The following FAM13A variants were observed in gnomAD, a reference collection of about 807,000 sequenced individuals.
FAM13A encodes protein FAM13A.
Under a neutral mutation model 129.6 loss-of-function variants are expected in FAM13A, and 76 were observed. The observed-to-expected ratio is 0.59, with a 90% confidence interval of 0.49 to 0.71. The LOEUF is 0.71. FAM13A is among the 30% of genes least tolerant of loss of function. The pLI is 0.00. For synonymous variants in FAM13A, 443 were observed against 449.9 expected (o/e 0.98, Z 0.20); for missense variants, 1,108 against 1,249.3 (o/e 0.89, Z 1.70).
At chr4:88,954,610 G>T (rs1369871746) in intron 4 of FAM13A, among the ~76,000 whole-genome samples, 1 of 152,186 alleles carries the variant, frequency 6.6e-6, no homozygotes, top group South Asian at 2.1e-4. Context: ...ATGGCCAGGA[G>T]TGCTGGCTCA....
At chr4:88,868,738 T>A (rs897577715) in intron 6 of FAM13A, among the ~76,000 whole-genome samples, 4 of 152,316 alleles carry the variant, frequency 2.6e-5, no homozygotes, top group African/African-American at 7.2e-5. Context: ...CCCTTTGTAC[T>A]CTTTTACAAC....
intron 11 of FAM13A, among the ~76,000 whole-genome samples, chr4:88,768,847 A>G (rs1720032098): frequency 1.3e-5 from 2 of 152,206 alleles, no homozygotes; most frequent in Admixed American, 6.5e-5. Context: ...GATATCTTTG[A>G]CTGCCTCTGT....
At chr4:88,920,542 C>A (rs746415269) in intron 5 of FAM13A, among the ~76,000 whole-genome samples, 1 of 152,108 alleles carries the variant, frequency 6.6e-6, no homozygotes, top group African/African-American at 2.4e-5. Flanking sequence ...ACACCAAAAA[C>A]CCATCTGTAC....
rs1746040550 is a variant in FAM13A at position 88,768,036 on chromosome 4, T to A, written c.1482A>T (p.Thr494=). The change falls in exon 12 of 24, where the codon ACA becomes ACT. Residue 494 remains threonine (T), a synonymous_variant. Transcript: ENST00000264344. ...CAGGTCCAGTTCTCTCATGAGATCG[T>A]GTGGAATTGAGACTTTCCATATTCT... is the stretch of plus-strand genomic sequence containing the variant. ...GLVNMESLNS[T]RSHERTGPDD... 1 of 1,608,290 alleles carries A rather than the reference T, an allele frequency of 6.2e-7. No homozygotes were observed. The highest frequency in any genetic ancestry group is 1.3e-5 in the African/African-American group (1 of 74,912).
At chr4:88,898,715 G>GA (rs1446310287) in intron 6 of FAM13A, among the ~76,000 whole-genome samples, 6 of 151,474 alleles carry the variant, frequency 4.0e-5, no homozygotes, top group African/African-American at 1.5e-4. Context: ...CTTAGAACTG[G>GA]AAAAAAAGTA....
intron 6 of FAM13A, among the ~76,000 whole-genome samples, chr4:88,893,795 C>A (rs1745819186): frequency 6.7e-6 from 1 of 149,348 alleles, no homozygotes; most frequent in Non-Finnish European, 1.5e-5. Flanking sequence ...CCACTGCACT[C>A]CAGCCAGGCT....
intron 7 of FAM13A, among the ~76,000 whole-genome samples, chr4:88,809,441 C>T (rs974587075): frequency 6.6e-6 from 1 of 151,992 alleles, no homozygotes; most frequent in Admixed American, 6.6e-5. Context: ...CTGAAAAGTA[C>T]AGAAAAACAA....
At chr4:88,879,459 GTCTC>G (rs1055296523) in intron 6 of FAM13A, among the ~76,000 whole-genome samples, 4 of 152,162 alleles carry the variant, frequency 2.6e-5, no homozygotes, top group Admixed American at 1.3e-4. Flanking sequence ...AAGTTAACTA[GTCTC>G]TCTAAGCCTG....
intron 7 of FAM13A, among the ~76,000 whole-genome samples, chr4:88,846,608 C>T (rs1286367748): frequency 1.3e-5 from 2 of 152,228 alleles, no homozygotes; most frequent in Admixed American, 6.5e-5. Context: ...AATCAAGTGA[C>T]ATTCTTGTTA....
intron 4 of FAM13A, among the ~76,000 whole-genome samples, chr4:88,959,723 A>T (rs1379441134): frequency 1.3e-5 from 2 of 152,222 alleles, no homozygotes. Context: ...AATCCAGAGT[A>T]ATCTTCCTAT....
Position 88,810,722 on chromosome 4 carries a change from C to T in FAM13A, c.1008-5670G>A, listed in dbSNP as rs578026041. 2.6e-5 allele frequency among the ~76,000 whole-genome samples: 4 copies of T among 152,252 alleles called. No individual in the cohort carries two copies. In the East Asian group the frequency reaches 5.8e-4, roughly 22 times the overall value. On this transcript the variant is annotated intron_variant, in intron 7 of 23. Transcript: ENST00000264344. The stretch of plus-strand genomic sequence containing the variant: ...GGTTTCCAGGCCTGTATTCAAAAGT[C>T]TATCTAACCTCTCATTCAAGTGAAC...
In FAM13A at chr4:88,750,657, A is replaced by G. The variant is rs1742384486; in HGVS notation, c.1727-20T>C. ...TAGGCTCTGGAAGATAAGGGCAGTA[A>G]GATCAGGACTGTTCCTGAAAGAGGT... On this transcript the variant is annotated intron_variant, in intron 14 of 23. Coordinates refer to ENST00000264344, the MANE Select transcript of FAM13A (RefSeq NM_014883.4). The G allele has an allele frequency of 6.4e-7, 1 of 1,550,994 alleles. No homozygotes were observed.
At chr4:88,977,394 G>A (rs1027652306) in intron 4 of FAM13A, among the ~76,000 whole-genome samples, 4 of 152,084 alleles carry the variant, frequency 2.6e-5, no homozygotes, top group Admixed American at 6.5e-5. Flanking sequence ...CTATTCCAGA[G>A]AAGAGTTCAC....
intron 3 of FAM13A, among the ~76,000 whole-genome samples, chr4:89,013,481 G>A (rs1327139762): frequency 6.8e-6 from 1 of 146,010 alleles, no homozygotes; most frequent in East Asian, 2.3e-4. Flanking sequence ...TACATAACTA[G>A]TAGTTGCTCA....
chr4:88,742,536 T>G (rs1361694146), intron 19 of FAM13A, among the ~76,000 whole-genome samples: 1 of 152,232 alleles, frequency 6.6e-6, no homozygotes, highest in Admixed American at 6.5e-5. Flanking sequence ...AATAACGACC[T>G]GATTTTTATC....
chr4:88,843,240 T>C (rs896853061), intron 7 of FAM13A, among the ~76,000 whole-genome samples: 2 of 152,200 alleles, frequency 1.3e-5, no homozygotes, highest in African/African-American at 2.4e-5. Flanking sequence ...TGCAGGGGAA[T>C]TGCATGCTGA....
intron 4 of FAM13A, among the ~76,000 whole-genome samples, chr4:88,955,954 G>A (rs892607683): frequency 3.3e-5 from 5 of 152,100 alleles, no homozygotes; most frequent in African/African-American, 1.2e-4. Flanking sequence ...TGCATAAGTA[G>A]CAAGGAGCCT....
intron 14 of FAM13A, among the ~76,000 whole-genome samples, chr4:88,755,525 A>C (rs1382445973): frequency 2.0e-5 from 3 of 152,206 alleles, no homozygotes; most frequent in Non-Finnish European, 4.4e-5. Context: ...GAACCCAGGG[A>C]ATCTGGCTTG....
chr4:88,855,390 G>T (rs1328020142), intron 6 of FAM13A: 1 of 152,062 alleles, frequency 6.6e-6, no homozygotes, highest in East Asian at 1.9e-4. Context: ...GAATGAAAAT[G>T]TAAGCATTCT....
Sources: allele counts gnomAD v4.1 joint callset (sites outside exome capture counted in the v4.1 genomes callset), GRCh38; gene constraint gnomAD v4.1.1; transcripts MANE v1.5; gene names NCBI Gene and HGNC (gene_info 2026-07-23, HGNC 2026-07-21).